Variants in ITPR2 observed in about 807,000 individuals in gnomAD.
ITPR2 encodes the protein inositol 1,4,5-trisphosphate-gated calcium channel ITPR2.
In ITPR2, 207 loss-of-function variants were observed where a neutral mutation model predicts 317.1. The observed-to-expected ratio is 0.65, with a 90% CI of 0.58 to 0.73. The LOEUF (loss-of-function observed/expected upper bound fraction) is 0.73. Ranked by LOEUF, ITPR2 falls within the 30% of genes least tolerant of loss-of-function variation. ITPR2 has a pLI of 0.00. For synonymous variants in ITPR2, 1,156 were observed against 1,149.1 expected, an observed-to-expected ratio of 1.01 and a Z score of -0.12; for missense variants, 2,613 against 3,284.0, an observed-to-expected ratio of 0.80 and a Z score of 4.99.
intron 2 of ITPR2, among the ~76,000 whole-genome samples, chr12:26,774,746 T>C (rs74072358): frequency 6.6e-6 from 1 of 152,216 alleles, no homozygotes. Context: ...ATTTCCAACA[T>C]GCGAACAGCT....
At chr12:26,486,687 T>C (rs994122027) in intron 40 of ITPR2, 2 of 530,148 alleles carry the variant, frequency 3.8e-6, no homozygotes, top group Middle Eastern at 9.1e-4. Flanking sequence ...TTATGATTTG[T>C]ATTTAATACA....
chr12:26,574,392 T>A (rs994525911), intron 34 of ITPR2, among the ~76,000 whole-genome samples: 3 of 152,178 alleles, frequency 2.0e-5, no homozygotes, highest in African/African-American at 7.2e-5. Flanking sequence ...CCACTTTGGT[T>A]CTCTGTTTCT....
chr12:26,434,639 G>A (rs953450230), intron 48 of ITPR2, among the ~76,000 whole-genome samples: 10 of 152,114 alleles, frequency 6.6e-5, no homozygotes, highest in South Asian at 4.1e-4. Context: ...TCCAATCCAC[G>A]GAGAAGGGTC....
At position 26,400,135 on chromosome 12, in the gene ITPR2, G is replaced by T. The variant is rs201854229; in HGVS notation, c.7523C>A (p.Ser2508Ter). The stretch of plus-strand genomic sequence containing the variant: ...ACTTTTACTCTGGCTTACATCTTTC[G>T]ATGGCCTTCTTAGCACATCCCCCAC... Reference protein sequence around the residue: ...GGVGDVLRRPSKDEPLFAARV... With the variant: ...GGVGDVLRRP Residue 2508 changes from serine (S) to a stop codon, truncating the protein, a stop_gained, in exon 53 of 57, where the codon TCG becomes TAG. Coordinates refer to ENST00000381340, the MANE Select transcript of ITPR2 (RefSeq NM_002223.4). LOFTEE classifies it high-confidence loss of function. The T allele has an allele frequency of 1.2e-6, 2 of 1,607,258 alleles. No homozygotes were observed. Among genetic ancestry groups the T allele is most frequent in the African/African-American group, 1.3e-5 (1 of 74,630 alleles).
chr12:26,624,191 AG>A (rs1946564575), intron 24 of ITPR2, 107 bp downstream of exon 24: 2 of 738,354 alleles, frequency 2.7e-6, no homozygotes, highest in Admixed American at 2.6e-5. Context: ...GCAACAATAG[AG>A]GGTCTAAAAA....
intron 41 of ITPR2, 31 bp from the exon 42 acceptor site, chr12:26,483,929 T>G: frequency 6.3e-7 from 1 of 1,575,848 alleles, no homozygotes; most frequent in East Asian, 2.2e-5. Flanking sequence ...AATTGAAGGG[T>G]TACAAAAATT....
intron 37 of ITPR2, among the ~76,000 whole-genome samples, chr12:26,523,073 G>A (rs958515123): frequency 3.3e-5 from 5 of 152,186 alleles, no homozygotes; most frequent in African/African-American, 1.2e-4. Context: ...AATAGAAGTA[G>A]AGGGAGCTGG....
intron 2 of ITPR2, among the ~76,000 whole-genome samples, chr12:26,772,442 T>A (rs5023144): frequency 1.4e-3 from 100 of 72,832 alleles, no homozygotes; most frequent in Non-Finnish European, 2.4e-3. Flanking sequence ...ATACATGTAT[T>A]ATATATATTA....
intron 54 of ITPR2, among the ~76,000 whole-genome samples, chr12:26,393,747 T>C (rs947785518): frequency 3.9e-5 from 6 of 152,220 alleles, no homozygotes; most frequent in Admixed American, 3.3e-4. Context: ...TTACATCTCT[T>C]TGTGCATCCT....
intron 1 of ITPR2, among the ~76,000 whole-genome samples, chr12:26,806,448 T>C (rs1053004774): frequency 1.3e-5 from 2 of 152,144 alleles, no homozygotes; most frequent in East Asian, 1.9e-4. Flanking sequence ...AGTACACTGT[T>C]TGTTACACAT....
chr12:26,652,091 T>C (rs1266810159), intron 21 of ITPR2, among the ~76,000 whole-genome samples: 1 of 152,202 alleles, frequency 6.6e-6, no homozygotes, highest in East Asian at 1.9e-4. Context: ...ACTTTCTCTT[T>C]CTAAGGGTGA....
intron 37 of ITPR2, among the ~76,000 whole-genome samples, chr12:26,537,098 G>A (rs1944116903): frequency 6.6e-6 from 1 of 151,778 alleles, no homozygotes; most frequent in South Asian, 2.1e-4. Flanking sequence ...AAGGATAGAG[G>A]AGAGCTTGCT....
chr12:26,467,954 A>G (rs1484568083), intron 45 of ITPR2, among the ~76,000 whole-genome samples: 1 of 152,146 alleles, frequency 6.6e-6, no homozygotes, highest in Non-Finnish European at 1.5e-5. Flanking sequence ...TTTCTTTTGT[A>G]AAAATAAGGC....
intron 55 of ITPR2, among the ~76,000 whole-genome samples, chr12:26,372,375 T>A (rs1205422036): frequency 6.6e-6 from 1 of 152,222 alleles, no homozygotes; most frequent in East Asian, 1.9e-4. Context: ...TATTTTACAG[T>A]TTAATTTAAA....
At chr12:26,811,534 A>T (rs1486163047) in intron 1 of ITPR2, among the ~76,000 whole-genome samples, 1 of 152,024 alleles carries the variant, frequency 6.6e-6, no homozygotes, top group African/African-American at 2.4e-5. Context: ...TCACGAGGTC[A>T]GGAGATCGAG....
intron 38 of ITPR2, 21 bp from the exon 39 acceptor site, chr12:26,494,361 T>C: frequency 6.6e-7 from 1 of 1,521,560 alleles, no homozygotes; most frequent in Non-Finnish European, 9.0e-7. Flanking sequence ...GAAAAATAAA[T>C]AAATAAACCT....
intron 37 of ITPR2, among the ~76,000 whole-genome samples, chr12:26,514,562 T>C (rs1180638178): frequency 1.3e-5 from 2 of 152,214 alleles, no homozygotes; most frequent in Non-Finnish European, 2.9e-5. Flanking sequence ...TAATAGTACA[T>C]TGAGCCATCT....
intron 1 of ITPR2, among the ~76,000 whole-genome samples, chr12:26,807,666 G>T (rs7305125): frequency 6.6e-6 from 1 of 151,918 alleles, no homozygotes; most frequent in Non-Finnish European, 1.5e-5. Context: ...TAAAAATTCT[G>T]CAAGAAAGAT....
Position 26,486,233 on chromosome 12 carries a change from T to G in ITPR2, c.5682A>C (p.Thr1894=). Residue 1894 remains threonine, a synonymous_variant, in exon 41 of 57, where the codon ACA becomes ACC. Coordinates refer to ENST00000381340, the MANE Select transcript of ITPR2 (RefSeq NM_002223.4). ...CCTCAGTGTTTCCCGCTTCTGGTCCTGTGCACATAATGTCTATTTCTGGAT... is the reference window on the plus strand; with the variant it reads ...CCTCAGTGTTTCCCGCTTCTGGTCCGGTGCACATAATGTCTATTTCTGGAT... The part of the protein sequence containing the change: ...EMDPEIDIMC[T]GPEAGNTEEK... 1 of 1,614,212 alleles carries G rather than the reference T, an allele frequency of 6.2e-7. No homozygotes were observed. The highest frequency in any genetic ancestry group is 8.5e-7 in the Non-Finnish European group (1 of 1,180,022).
Sources: allele counts gnomAD v4.1 joint callset (sites outside exome capture counted in the v4.1 genomes callset), GRCh38; gene constraint gnomAD v4.1.1; transcripts MANE v1.5; gene names NCBI Gene and HGNC (gene_info 2026-07-23, HGNC 2026-07-21).